Variants in CGNL1 observed in about 807,000 individuals in gnomAD.
CGNL1 encodes the protein cingulin-like protein 1.
In CGNL1, 132 loss-of-function variants were observed where a neutral mutation model predicts 141.2. The observed-to-expected ratio is 0.93, with a 90% CI of 0.81 to 1.08. CGNL1 has a LOEUF of 1.08. CGNL1 is among the 50% of genes least tolerant of loss of function. CGNL1 has a pLI of 0.00. For synonymous variants in CGNL1, 690 were observed against 622.1 expected (o/e 1.11, Z -1.63); for missense variants, 1,870 against 1,588.6 (o/e 1.18, Z -3.01).
intron 8 of CGNL1, among the ~76,000 whole-genome samples, chr15:57,491,696 C>G (rs1005695145): frequency 6.6e-6 from 1 of 152,126 alleles, no homozygotes; most frequent in Non-Finnish European, 1.5e-5. Flanking sequence ...ACAGATGAAT[C>G]TCCGTTATAG....
At chr15:57,419,842 A>G (rs74019109) in intron 1 of CGNL1, among the ~76,000 whole-genome samples, 44 of 152,338 alleles carry the variant, frequency 2.9e-4, no homozygotes, top group African/African-American at 1.0e-3. Flanking sequence ...TGTGCAGCCC[A>G]CACATAAGAA....
intron 1 of CGNL1, among the ~76,000 whole-genome samples, chr15:57,380,529 G>A (rs1016689585): frequency 6.6e-5 from 10 of 152,146 alleles, no homozygotes; most frequent in Non-Finnish European, 1.3e-4. Context: ...CCTCGCCTGG[G>A]TAGATGCCTC....
At chr15:57,507,974 T>C (rs1245778144) in intron 8 of CGNL1, among the ~76,000 whole-genome samples, 1 of 152,232 alleles carries the variant, frequency 6.6e-6, no homozygotes, top group African/African-American at 2.4e-5. Flanking sequence ...TCTGTCGTCA[T>C]CATACATGAA....
At chr15:57,434,871 A>G (rs1335130410) in intron 1 of CGNL1, among the ~76,000 whole-genome samples, 5 of 152,180 alleles carry the variant, frequency 3.3e-5, no homozygotes, top group African/African-American at 1.2e-4. Flanking sequence ...TTTTTCTTAG[A>G]AAACTACTGG....
chr15:57,514,693 C>G, intron 8 of CGNL1, among the ~76,000 whole-genome samples: 1 of 152,168 alleles, frequency 6.6e-6, no homozygotes, highest in Non-Finnish European at 1.5e-5. Flanking sequence ...CCCAAGGTCA[C>G]AAATACTTGT....
chr15:57,526,168 G>T (rs1195938837), intron 12 of CGNL1, among the ~76,000 whole-genome samples: 1 of 142,826 alleles, frequency 7.0e-6, no homozygotes, highest in African/African-American at 2.5e-5. Context: ...TAAAAGAGCA[G>T]TCCTTCCAAA....
chr15:57,414,854 T>C (rs987994707), intron 1 of CGNL1, among the ~76,000 whole-genome samples: 5 of 152,212 alleles, frequency 3.3e-5, no homozygotes, highest in African/African-American at 1.2e-4. Flanking sequence ...TCTGTTTGGC[T>C]CCTGAACTCT....
chr15:57,481,064 G>GT (rs11298152), intron 8 of CGNL1, among the ~76,000 whole-genome samples: 21,745 of 116,010 alleles, frequency 0.19, 1,953 homozygotes, highest in South Asian at 0.21. Flanking sequence ...AAGACCTGGG[G>GT]TTTTTTTTTT....
chr15:57,448,930 T>TA (rs1248656000), intron 4 of CGNL1, among the ~76,000 whole-genome samples: 1 of 152,228 alleles, frequency 6.6e-6, no homozygotes. Flanking sequence ...GACAGACAGT[T>TA]AAATTACTTA....
At position 57,391,972 on chromosome 15, in the gene CGNL1, T is replaced by TCC. The variant is rs1466614264; in HGVS notation, c.-16+15405_-16+15406insCC. On this transcript the variant is annotated intron_variant, in intron 1 of 18. Coordinates refer to ENST00000281282, the MANE Select transcript of CGNL1 (RefSeq NM_032866.5). ...AAAATAAACACCTTCACATTTTTCT[T>TCC]TCCCCCCCCTCACCTGACACCATCA... Among the ~76,000 whole-genome samples the TCC allele has an allele frequency of 2.4e-4, 18 of 74,254 alleles. No individual in the cohort carries two copies. In the East Asian group the frequency reaches 5.7e-3, roughly 24 times the overall value. The allele number at this position is 74,254 out of a possible 152,430, so 48.7% of individuals were successfully genotyped here.
intron 1 of CGNL1, among the ~76,000 whole-genome samples, chr15:57,417,478 C>T (rs1595681677): frequency 6.6e-6 from 1 of 152,322 alleles, no homozygotes; most frequent in South Asian, 2.1e-4. Context: ...AGGTGATCCA[C>T]CTGCCTTGGC....
chr15:57,409,643 G>A (rs2062763727), intron 1 of CGNL1, among the ~76,000 whole-genome samples: 1 of 152,070 alleles, frequency 6.6e-6, no homozygotes, highest in South Asian at 2.1e-4. Flanking sequence ...GGAGGGAGAA[G>A]GTAGGATGCT....
chr15:57,447,297 T>C (rs553818924), intron 4 of CGNL1, among the ~76,000 whole-genome samples: 28 of 152,372 alleles, frequency 1.8e-4, no homozygotes, highest in African/African-American at 6.0e-4. Context: ...CATCTCGGAC[T>C]GGTTTCCTTC....
At chr15:57,460,967 G>A (rs1317557911) in intron 7 of CGNL1, among the ~76,000 whole-genome samples, 1 of 152,094 alleles carries the variant, frequency 6.6e-6, no homozygotes, top group Non-Finnish European at 1.5e-5. Context: ...CTCTCTGGCT[G>A]AGGGAAGAGC....
chr15:57,378,361 G>GTGT (rs2062387820), intron 1 of CGNL1, among the ~76,000 whole-genome samples: 2 of 42,854 alleles, frequency 4.7e-5, no homozygotes, highest in African/African-American at 1.8e-4. Flanking sequence ...GGCCCTCTAT[G>GTGT]TGTTTTTTTT....
chr15:57,429,553 A>G (rs570947782), intron 1 of CGNL1, among the ~76,000 whole-genome samples: 3 of 152,366 alleles, frequency 2.0e-5, no homozygotes, highest in Admixed American at 6.5e-5. Flanking sequence ...TTCTATGTAC[A>G]TGACAGTATG....
intron 1 of CGNL1, among the ~76,000 whole-genome samples, chr15:57,401,338 T>C (rs1480455159): frequency 6.6e-6 from 1 of 152,224 alleles, no homozygotes; most frequent in Non-Finnish European, 1.5e-5. Flanking sequence ...GTGTATACAT[T>C]GAGCCAGTGC....
Position 57,458,100 on chromosome 15 carries a change from C to G in CGNL1, c.2191-3580C>G, listed in dbSNP as rs574082087. Among the ~76,000 whole-genome samples the G allele has an allele frequency of 3.3e-4, 50 of 152,282 alleles. 1 individual carries two copies. The highest frequency in any genetic ancestry group is 3.2e-3 in the Admixed American group (49 of 15,300). ...AATCTTCATCTCCTTGAGTATCCAT[C>G]TCTCTGGATTGTTAGAAATGCTCAG... On this transcript the variant is annotated intron_variant, in intron 7 of 18. Coordinates refer to ENST00000281282, the MANE Select transcript of CGNL1 (RefSeq NM_032866.5).
At chr15:57,432,666 C>T (rs1452269864) in intron 1 of CGNL1, among the ~76,000 whole-genome samples, 1 of 152,198 alleles carries the variant, frequency 6.6e-6, no homozygotes, top group Non-Finnish European at 1.5e-5. Flanking sequence ...AAACGTGGCC[C>T]AGTGCCTGGA....
Sources: gnomAD v4.1 joint callset for allele counts (sites outside exome capture counted in the v4.1 genomes callset) on GRCh38, gnomAD v4.1.1 for gene constraint, MANE v1.5 for transcripts, NCBI Gene and HGNC (gene_info 2026-07-23, HGNC 2026-07-21) for gene names.